The following PDCD4 variants were observed in gnomAD, a reference collection of about 807,000 sequenced individuals.
The protein encoded by PDCD4 is programmed cell death protein 4.
PDCD4 carries 56 observed loss-of-function variants against 54.0 expected under a neutral mutation model. That is an observed-to-expected ratio of 1.04 (90% CI 0.84 to 1.30). The LOEUF is 1.30. Among genes scored for constraint, PDCD4 ranks in the 50% most tolerant of loss-of-function variants. The pLI, the probability that PDCD4 is intolerant of heterozygous loss-of-function variation, is 0.00. For synonymous variants in PDCD4, 186 were observed against 194.8 expected (o/e 0.95, Z 0.37); for missense variants, 584 against 559.8 (o/e 1.04, Z -0.44).
chr10:110,881,552 T>C lies in PDCD4; in HGVS notation c.346+17T>C, dbSNP rs763620367. On this transcript the variant is annotated intron_variant, in intron 3 of 11. Coordinates refer to ENST00000280154, the MANE Select transcript of PDCD4 (RefSeq NM_014456.5). ...CAAAGAAAGGTTGGTATATATCATG[T>C]CCAACAAATGGAAGATAAACAAGTG... is the stretch of plus-strand genomic sequence containing the variant. 4.4e-6 allele frequency: 7 copies of C among 1,575,584 alleles called. No homozygotes were observed. Among genetic ancestry groups the C allele is most frequent in the Non-Finnish European group, 6.0e-6 (7 of 1,157,866 alleles).
chr10:110,894,483 T>G lies in PDCD4; in HGVS notation c.1170T>G (p.Leu390=), dbSNP rs1352670384. ...TGATTTTGGATTTATTAAAGTCCCT[T>G]TGGAAGTCTTCTACCATTACTGTAG... is the stretch of plus-strand genomic sequence containing the variant. ...FKMILDLLKS[L]WKSSTITVDQ... Residue 390 remains leucine, a synonymous_variant, in exon 10 of 12, where the codon CTT becomes CTG. Coordinates refer to ENST00000280154, the MANE Select transcript of PDCD4 (RefSeq NM_014456.5). 1 of 1,561,792 alleles carries G rather than the reference T, an allele frequency of 6.4e-7. No homozygotes were observed.
chr10:110,887,804 G>A lies in PDCD4; in HGVS notation c.695G>A (p.Ser232Asn), dbSNP rs1845691256. The change falls in exon 6 of 12, where the codon AGC becomes AAC. Residue 232 changes from serine to asparagine, a missense_variant. By Grantham distance (46) the Ser-to-Asn change is conservative. Coordinates refer to ENST00000280154, the MANE Select transcript of PDCD4 (RefSeq NM_014456.5). ...LLSDLCGTVM[S>N]TTDVEKSFDK... ...TCTGACCTTTGTGGGACAGTAATGA[G>A]CACAACTGATGTGGAAAAATCATTT... 6.2e-7 allele frequency: 1 copy of A among 1,613,636 alleles called. No individual in the cohort carries two copies. The highest frequency in any genetic ancestry group is 2.2e-5 in the East Asian group (1 of 44,848).
chr10:110,893,654 T>G (rs1430142406), intron 8 of PDCD4, among the ~76,000 whole-genome samples: 1 of 152,064 alleles, frequency 6.6e-6, no homozygotes, highest in Non-Finnish European at 1.5e-5. Flanking sequence ...AATGCCCCAT[T>G]ATCATCTCTC....
chr10:110,879,652 C>CA (rs527490449), intron 2 of PDCD4, among the ~76,000 whole-genome samples: 9,564 of 84,126 alleles, frequency 0.11, 676 homozygotes, highest in East Asian at 0.4. Context: ...CACGCTGTCT[C>CA]AAAAAAAAAA....
At chr10:110,875,163 T>C (rs909481206) in intron 1 of PDCD4, among the ~76,000 whole-genome samples, 13 of 152,194 alleles carry the variant, frequency 8.5e-5, no homozygotes, top group African/African-American at 2.9e-4. Flanking sequence ...ATAACATTAT[T>C]GGATCTGTAT....
At chr10:110,882,805 C>G (rs956306962) in intron 3 of PDCD4, among the ~76,000 whole-genome samples, 198 bp from the exon 4 acceptor site, 4 of 151,882 alleles carry the variant, frequency 2.6e-5, no homozygotes, top group African/African-American at 9.7e-5. Flanking sequence ...ACTTCATAAG[C>G]TATTTTAACT....
At chr10:110,877,460 G>A (rs1301103707) in intron 2 of PDCD4, among the ~76,000 whole-genome samples, 4 of 152,138 alleles carry the variant, frequency 2.6e-5, no homozygotes, top group South Asian at 4.1e-4. Context: ...TTGCTTGCAT[G>A]TTGAGATGAT....
At chr10:110,888,798 G>T (rs759770885) in intron 6 of PDCD4, among the ~76,000 whole-genome samples, 1 of 151,862 alleles carries the variant, frequency 6.6e-6, no homozygotes, top group Non-Finnish European at 1.5e-5. Flanking sequence ...TTTATTTTTG[G>T]ACACCAATTT....
At chr10:110,896,867 C>T (rs1277543806) in intron 11 of PDCD4, among the ~76,000 whole-genome samples, 1 of 151,696 alleles carries the variant, frequency 6.6e-6, no homozygotes, top group African/African-American at 2.4e-5. Context: ...CTGGTAGGGG[C>T]CTTTGCTTTA....
chr10:110,892,218 A>G lies in PDCD4; in HGVS notation c.990+1548A>G, dbSNP rs181727873. Among the ~76,000 whole-genome samples, 37 of 152,348 alleles carry G rather than the reference A, an allele frequency of 2.4e-4. No individual in the cohort carries two copies. The East Asian group carries it at 7.1e-3, about 29-fold the overall frequency. Reference sequence around the variant, plus strand: ...AAAGAAATTAAGGAAGACCTAAATAAATAGAATGATATCCCATGGTTATGG... The same window carrying G: ...AAAGAAATTAAGGAAGACCTAAATAGATAGAATGATATCCCATGGTTATGG... On this transcript the variant is annotated intron_variant, in intron 8 of 11. Transcript: ENST00000280154.
intron 2 of PDCD4, among the ~76,000 whole-genome samples, chr10:110,879,642 C>CA (rs1011024996): frequency 2.1e-5 from 3 of 144,626 alleles, no homozygotes; most frequent in African/African-American, 5.2e-5. Context: ...GACAGAGCGA[C>CA]ACGCTGTCTC....
chr10:110,880,045 C>A (rs1214298620), intron 2 of PDCD4, among the ~76,000 whole-genome samples: 1 of 152,114 alleles, frequency 6.6e-6, no homozygotes, highest in African/African-American at 2.4e-5. Flanking sequence ...CAATAATGAA[C>A]AAAACTGTGG....
Position 110,894,210 on chromosome 10 carries a change from T to G in PDCD4, c.1098+12T>G, listed in dbSNP as rs1845796746. 2 of 1,410,322 alleles carry G rather than the reference T, an allele frequency of 1.4e-6. No homozygotes were observed. Among genetic ancestry groups the G allele is most frequent in the Non-Finnish European group, 2.0e-6 (2 of 994,766 alleles). 87.4% of individuals were successfully genotyped at this position (1,410,322 alleles called of 1,614,324 possible). The stretch of plus-strand genomic sequence containing the variant: ...AGCTTGTATATGAAGTAAGATTACC[T>G]TGCCATGTCAAAGATAATTATTAAG... On this transcript the variant is annotated intron_variant, in intron 9 of 11. Coordinates refer to ENST00000280154, the MANE Select transcript of PDCD4 (RefSeq NM_014456.5).
chr10:110,896,875 T>G (rs1290794225), intron 11 of PDCD4, among the ~76,000 whole-genome samples: 1 of 152,080 alleles, frequency 6.6e-6, no homozygotes, highest in Non-Finnish European at 1.5e-5. Context: ...GGCCTTTGCT[T>G]TAGAATTTTA....
chr10:110,886,378 G>A (rs1284274780), intron 5 of PDCD4, among the ~76,000 whole-genome samples: 2 of 152,082 alleles, frequency 1.3e-5, no homozygotes, highest in African/African-American at 2.4e-5. Flanking sequence ...TGAGGAGTTC[G>A]CCAGTTAAGA....
At chr10:110,887,999 C>T (rs1845695992) in intron 6 of PDCD4, 113 bp downstream of exon 6, 1 of 625,440 alleles carries the variant, frequency 1.6e-6, no homozygotes, top group African/African-American at 1.8e-5. Flanking sequence ...GCCAACATTT[C>T]CTACGACACC....
intron 5 of PDCD4, among the ~76,000 whole-genome samples, chr10:110,885,950 T>C (rs1845664379): frequency 6.6e-6 from 1 of 152,206 alleles, no homozygotes; most frequent in South Asian, 2.1e-4. Context: ...ATTAAAGTAA[T>C]ACAATTGTAA....
At chr10:110,891,855 C>G (rs141060099) in intron 8 of PDCD4, among the ~76,000 whole-genome samples, 50 of 151,972 alleles carry the variant, frequency 3.3e-4, no homozygotes, top group African/African-American at 1.2e-3. Flanking sequence ...GTCAAGATGC[C>G]AGGGCAATTA....
rs1307479951 is a variant in PDCD4, at chr10:110,896,068, A to G, written c.1330A>G (p.Arg444Gly). The G allele has an allele frequency of 6.2e-7, 1 of 1,609,512 alleles. No individual in the cohort carries two copies. The highest frequency in any genetic ancestry group is 8.5e-7 in the Non-Finnish European group (1 of 1,177,562). Residue 444 changes from arginine (R) to glycine (G), a missense_variant, in exon 11 of 12, where the codon AGA becomes GGA. Transcript: ENST00000280154. ...FQAGIISKQLRDLCPSRGRKR... is the reference protein window; with the variant it reads ...FQAGIISKQLGDLCPSRGRKR... ...GGCTGGAATAATTTCCAAACAACTCAGAGATCTTTGTCCTTCAAGGTACTT... is the reference window on the plus strand; with the variant it reads ...GGCTGGAATAATTTCCAAACAACTCGGAGATCTTTGTCCTTCAAGGTACTT...
Sources: allele counts gnomAD v4.1 joint callset (sites outside exome capture counted in the v4.1 genomes callset), GRCh38; gene constraint gnomAD v4.1.1; transcripts MANE v1.5; gene names NCBI Gene and HGNC (gene_info 2026-07-23, HGNC 2026-07-21).